Variants in ULK4 observed in about 807,000 individuals in gnomAD.
The protein encoded by ULK4 is inactive serine/threonine-protein kinase ULK4.
Under a neutral mutation model 160.6 loss-of-function variants are expected in ULK4, and 133 were observed. That is an observed-to-expected ratio of 0.83 (90% CI 0.72 to 0.96). ULK4 has a LOEUF of 0.96. Ranked by LOEUF, ULK4 falls within the 40% of genes least tolerant of loss-of-function variation. The probability of loss-of-function intolerance (pLI) is 0.00; values close to 1 mark genes in which losing one functional copy is unlikely to be tolerated. For missense variants in ULK4, 1,580 were observed against 1,499.5 expected, an observed-to-expected ratio of 1.05 and a Z score of -0.89; for synonymous variants, 534 against 539.8, an observed-to-expected ratio of 0.99 and a Z score of 0.15.
intron 35 of ULK4, among the ~76,000 whole-genome samples, chr3:41,319,050 G>C (rs1275518721): frequency 6.6e-6 from 1 of 152,176 alleles, no homozygotes; most frequent in African/African-American, 2.4e-5. Flanking sequence ...ACAGGTCTAT[G>C]AAAATGAGTT....
Position 41,725,225 on chromosome 3 carries a change from A to G in ULK4, c.2322-7364T>C, listed in dbSNP as rs566224993. ...TCATATGCTATCTACCAGAAGCTTTACTGCTTTACCTTTACAAATTTAAAC... is the reference window on the plus strand; with the variant it reads ...TCATATGCTATCTACCAGAAGCTTTGCTGCTTTACCTTTACAAATTTAAAC... On this transcript the variant is annotated intron_variant, in intron 22 of 36. Transcript: ENST00000301831. Among the ~76,000 whole-genome samples, 61 of 152,350 alleles carry G rather than the reference A, an allele frequency of 4.0e-4. No homozygotes were observed. The Middle Eastern group carries it at 0.017, about 42-fold the overall frequency.
At chr3:41,901,382 G>A (rs1053316934) in intron 12 of ULK4, among the ~76,000 whole-genome samples, 15 of 150,422 alleles carry the variant, frequency 1.0e-4, no homozygotes, top group South Asian at 2.1e-4. Context: ...GGGTTTCACC[G>A]TGTTAGCCAG....
At chr3:41,434,972 T>C (rs1040093452) in intron 34 of ULK4, among the ~76,000 whole-genome samples, 1 of 152,244 alleles carries the variant, frequency 6.6e-6, no homozygotes, top group African/African-American at 2.4e-5. Flanking sequence ...TTTGTAATTA[T>C]CTTGGCCTCC....
chr3:41,399,221 T>C (rs1356417898), intron 34 of ULK4, among the ~76,000 whole-genome samples: 1 of 152,154 alleles, frequency 6.6e-6, no homozygotes, highest in East Asian at 1.9e-4. Flanking sequence ...GGTAACTCAT[T>C]GTGGTTTTCA....
intron 19 of ULK4, among the ~76,000 whole-genome samples, chr3:41,803,741 T>C (rs1286886209): frequency 6.6e-6 from 1 of 152,124 alleles, no homozygotes; most frequent in Non-Finnish European, 1.5e-5. Context: ...CGGTGTTTGG[T>C]TTTTTGTCCT....
intron 20 of ULK4, among the ~76,000 whole-genome samples, chr3:41,793,560 G>A (rs2125595966): frequency 6.6e-6 from 1 of 152,254 alleles, no homozygotes; most frequent in East Asian, 1.9e-4. Context: ...GGGGTGGACA[G>A]AGAAGAGGAA....
chr3:41,703,017 C>A (rs1266530921), intron 27 of ULK4, among the ~76,000 whole-genome samples: 1 of 151,870 alleles, frequency 6.6e-6, no homozygotes, highest in Admixed American at 6.6e-5. Flanking sequence ...CCATGCCCAG[C>A]TAATTTTTGT....
intron 32 of ULK4, among the ~76,000 whole-genome samples, chr3:41,491,100 C>A (rs2084742067): frequency 6.6e-6 from 1 of 152,186 alleles, no homozygotes; most frequent in Non-Finnish European, 1.5e-5. Flanking sequence ...TGTCCAAGGT[C>A]TATGTGAATA....
At chr3:41,886,892 C>A (rs1697742740) in intron 16 of ULK4, among the ~76,000 whole-genome samples, 1 of 152,042 alleles carries the variant, frequency 6.6e-6, no homozygotes, top group African/African-American at 2.4e-5. Context: ...TCTTTATACA[C>A]CAAATAACAA....
At chr3:41,454,001 G>A (rs4276158) in intron 34 of ULK4, among the ~76,000 whole-genome samples, 11,381 of 124,694 alleles carry the variant, frequency 0.091, 625 homozygotes, top group Admixed American at 0.15. Flanking sequence ...TACAGGAAGG[G>A]GAACACCACA....
At chr3:41,642,889 G>C (rs1408308892) in intron 30 of ULK4, among the ~76,000 whole-genome samples, 1 of 152,154 alleles carries the variant, frequency 6.6e-6, no homozygotes, top group Non-Finnish European at 1.5e-5. Flanking sequence ...CATTCTAACT[G>C]GTGTGAGATG....
intron 12 of ULK4, among the ~76,000 whole-genome samples, chr3:41,902,524 G>T (rs1371818591): frequency 6.7e-6 from 1 of 148,746 alleles, no homozygotes; most frequent in South Asian, 2.1e-4. Flanking sequence ...GTTGCAGTGA[G>T]CCGAGATTGC....
chr3:41,417,256 C>G (rs528115752), intron 34 of ULK4, among the ~76,000 whole-genome samples: 2 of 152,282 alleles, frequency 1.3e-5, no homozygotes, highest in South Asian at 2.1e-4. Flanking sequence ...CTACTAGTAA[C>G]TGAGCTAAGA....
intron 21 of ULK4, among the ~76,000 whole-genome samples, chr3:41,776,584 G>C (rs2039634274): frequency 6.8e-6 from 1 of 146,476 alleles, no homozygotes; most frequent in Non-Finnish European, 1.5e-5. Context: ...GGTACAAAAT[G>C]AAATACGTCC....
intron 17 of ULK4, among the ~76,000 whole-genome samples, chr3:41,869,849 C>T (rs1431166163): frequency 6.6e-6 from 1 of 152,112 alleles, no homozygotes; most frequent in African/African-American, 2.4e-5. Context: ...TTTATATTTG[C>T]TCATTTAACT....
intron 27 of ULK4, among the ~76,000 whole-genome samples, chr3:41,682,968 C>T (rs558658889): frequency 7.2e-5 from 11 of 152,078 alleles, no homozygotes; most frequent in Non-Finnish European, 1.5e-4. Flanking sequence ...AACGAATAAA[C>T]ATGGCCAAAA....
At chr3:41,948,494 A>G (rs181192746) in intron 2 of ULK4, among the ~76,000 whole-genome samples, 59 of 152,248 alleles carry the variant, frequency 3.9e-4, no homozygotes, top group African/African-American at 1.4e-3. Flanking sequence ...GCACTATGCT[A>G]AATATCTTAT....
At chr3:41,357,587 T>C (rs771985199) in intron 35 of ULK4, among the ~76,000 whole-genome samples, 2 of 152,178 alleles carry the variant, frequency 1.3e-5, no homozygotes, top group Non-Finnish European at 2.9e-5. Flanking sequence ...CACTGGAGAC[T>C]GTCATCTGTG....
At chr3:41,679,873 C>CTTTTTG (rs1227291567) in intron 29 of ULK4, among the ~76,000 whole-genome samples, 2 of 152,122 alleles carry the variant, frequency 1.3e-5, no homozygotes, top group African/African-American at 4.8e-5. Context: ...CACATATTTT[C>CTTTTTG]TTTTTGTTTT....
Sources: allele counts gnomAD v4.1 joint callset (sites outside exome capture counted in the v4.1 genomes callset), GRCh38; gene constraint gnomAD v4.1.1; transcripts MANE v1.5; gene names NCBI Gene and HGNC (gene_info 2026-07-23, HGNC 2026-07-21).